Variants in ZFHX3 observed in about 807,000 individuals in gnomAD.
The protein encoded by ZFHX3 is zinc finger homeobox 3, also known as zinc finger homeobox protein 3.
A neutral mutation model predicts 279.1 loss-of-function variants in ZFHX3; 42 were observed. That is an observed-to-expected ratio of 0.15 (90% CI 0.12 to 0.19). The LOEUF (loss-of-function observed/expected upper bound fraction) is 0.19. ZFHX3 is among the 10% of genes least tolerant of loss of function. The pLI is 1.00. For missense variants in ZFHX3, 4,981 were observed against 4,754.0 expected (o/e 1.05, Z -1.40); for synonymous variants, 2,293 against 1,957.8 (o/e 1.17, Z -4.52).
chr16:73,758,364 G>C (rs991427867), intron 1 of ZFHX3, among the ~76,000 whole-genome samples: 2 of 152,196 alleles, frequency 1.3e-5, no homozygotes, highest in African/African-American at 4.8e-5. Context: ...AGAGTTCTCA[G>C]AGATAACAGT....
At chr16:73,470,409 C>T (rs2018646371) in intron 2 of ZFHX3, among the ~76,000 whole-genome samples, 1 of 152,166 alleles carries the variant, frequency 6.6e-6, no homozygotes, top group Non-Finnish European at 1.5e-5. Context: ...GTCTGCTAAA[C>T]CGTTGATCTA....
chr16:73,835,284 C>G (rs35512997), intron 1 of ZFHX3, among the ~76,000 whole-genome samples: 1 of 152,028 alleles, frequency 6.6e-6, no homozygotes, highest in African/African-American at 2.4e-5. Context: ...ACATGTCTCT[C>G]TCTAGCTTTG....
At chr16:73,029,355 C>T (rs543009184) in intron 1 of ZFHX3, among the ~76,000 whole-genome samples, 8 of 152,300 alleles carry the variant, frequency 5.3e-5, no homozygotes, top group Middle Eastern at 3.4e-3. Flanking sequence ...AAATGAGAAA[C>T]GCTCCTTGGT....
chr16:73,185,403 A>G (rs1243380038), intron 5 of ZFHX3, among the ~76,000 whole-genome samples: 2 of 152,216 alleles, frequency 1.3e-5, no homozygotes, highest in Non-Finnish European at 2.9e-5. Context: ...CACAGCTTGC[A>G]AGTGGCAGAG....
chr16:73,866,914 G>A (rs898839697), intron 1 of ZFHX3, among the ~76,000 whole-genome samples: 1 of 152,174 alleles, frequency 6.6e-6, no homozygotes, highest in Non-Finnish European at 1.5e-5. Context: ...CCAAGGGCTG[G>A]AGAAGTGCAG....
intron 2 of ZFHX3, among the ~76,000 whole-genome samples, chr16:73,614,210 G>T (rs990800348): frequency 6.6e-6 from 1 of 152,180 alleles, no homozygotes; most frequent in Non-Finnish European, 1.5e-5. Flanking sequence ...GATGTGTACG[G>T]GGCAAAAGTG....
intron 2 of ZFHX3, among the ~76,000 whole-genome samples, chr16:72,955,410 C>T (rs1336776249): frequency 1.3e-5 from 2 of 152,352 alleles, no homozygotes; most frequent in East Asian, 1.9e-4. Context: ...GACTCACAGA[C>T]ACTTGGTGTG....
intron 3 of ZFHX3, among the ~76,000 whole-genome samples, chr16:73,429,050 C>A (rs911914185): frequency 6.6e-6 from 1 of 152,174 alleles, no homozygotes; most frequent in African/African-American, 2.4e-5. Context: ...CCCTCCATGT[C>A]TAGAGGAAAA....
At position 73,670,036 on chromosome 16, in the gene ZFHX3, C is replaced by T. The variant is rs911514330; in HGVS notation, c.-1547+10144G>A. ...AATAAAAATAGCACCTGCAGCGACA[C>T]CAGGAAGGATAAAATTACAAGGGCT... On this transcript the variant is annotated intron_variant, in intron 2 of 17. Coordinates refer to the ZFHX3 transcript ENST00000641206. 3.9e-5 allele frequency among the ~76,000 whole-genome samples: 6 copies of T among 152,246 alleles called. No homozygotes were observed. In the South Asian group the frequency reaches 8.3e-4, roughly 21 times the overall value.
chr16:73,868,940 A>C (rs1327992062), intron 1 of ZFHX3, among the ~76,000 whole-genome samples: 1 of 152,124 alleles, frequency 6.6e-6, no homozygotes, highest in Non-Finnish European at 1.5e-5. Flanking sequence ...TCATGATTTC[A>C]TAATCTTCTT....
chr16:73,651,421 C>G (rs2052669282), intron 2 of ZFHX3, among the ~76,000 whole-genome samples: 1 of 151,908 alleles, frequency 6.6e-6, no homozygotes, highest in South Asian at 2.1e-4. Context: ...GTTTGAGAAG[C>G]TGTTAAGATC....
chr16:73,751,480 C>G (rs895877300), intron 1 of ZFHX3, among the ~76,000 whole-genome samples: 2 of 151,984 alleles, frequency 1.3e-5, no homozygotes, highest in African/African-American at 4.8e-5. Context: ...GGAAAGATCA[C>G]AAACGAATGT....
exon 1 of ZFHX3, chr16:73,059,372 G>GCGCACACA (rs71391481): frequency 6.8e-6 from 1 of 146,258 alleles, no homozygotes; most frequent in African/African-American, 2.5e-5. Flanking sequence ...ACGAGCGCGC[G>GCGCACACA]CACACACACA....
intron 4 of ZFHX3, among the ~76,000 whole-genome samples, chr16:72,837,074 A>C (rs9933433): frequency 0.1 from 15,247 of 152,232 alleles, 1,897 homozygotes; most frequent in East Asian, 0.29. Flanking sequence ...GCGGGCCTCT[A>C]GAAGCTGCCT....
chr16:73,074,609 C>T (rs1175788032), intron 8 of ZFHX3, among the ~76,000 whole-genome samples: 1 of 151,366 alleles, frequency 6.6e-6, no homozygotes, highest in Non-Finnish European at 1.5e-5. Context: ...ACAATGATGA[C>T]GACAATGATG....
At chr16:72,880,673 C>T in intron 4 of ZFHX3, among the ~76,000 whole-genome samples, 1 of 152,110 alleles carries the variant, frequency 6.6e-6, no homozygotes, top group Admixed American at 6.5e-5. Context: ...CAACAGATGG[C>T]CCTGTACCAG....
intron 2 of ZFHX3, among the ~76,000 whole-genome samples, chr16:73,614,105 A>C (rs1278946306): frequency 6.6e-6 from 1 of 152,264 alleles, no homozygotes; most frequent in Non-Finnish European, 1.5e-5. Context: ...CCTGGAAAGA[A>C]AAGGATGAAG....
chr16:72,784,908 C>A lies in ZFHX3; in HGVS notation c.*2256G>T, dbSNP rs945977328. The A allele has an allele frequency of 6.6e-6, 1 of 152,160 alleles. No homozygotes were observed. Among genetic ancestry groups the A allele is most frequent in the Non-Finnish European group, 1.5e-5 (1 of 67,976 alleles). The allele number at this position is 152,160 out of a possible 1,614,324, so 9.4% of individuals were successfully genotyped here. A position where few individuals can be genotyped will look rare whatever the true frequency, so the allele number is the denominator to read the frequency against. On this transcript the variant is annotated 3_prime_UTR_variant, in exon 10 of 10. Coordinates refer to ENST00000268489, the MANE Select transcript of ZFHX3 (RefSeq NM_006885.4). ...CAAATTCATAAAAATAAAATAGTCC[C>A]GGCTAAAAAAGAAAAAAAGAAAAAA... is the stretch of plus-strand genomic sequence containing the variant.
intron 2 of ZFHX3, among the ~76,000 whole-genome samples, chr16:73,530,104 G>T (rs145919822): frequency 6.6e-6 from 1 of 152,126 alleles, no homozygotes; most frequent in African/African-American, 2.4e-5. Flanking sequence ...ACAGTTCCAC[G>T]TGGCTGGGGA....
Sources: allele counts gnomAD v4.1 joint callset (sites outside exome capture counted in the v4.1 genomes callset), GRCh38; gene constraint gnomAD v4.1.1; transcripts MANE v1.5; gene names NCBI Gene and HGNC (gene_info 2026-07-23, HGNC 2026-07-21).